PTPRM: variants seen among roughly 807,000 people sequenced by gnomAD.
PTPRM encodes the protein protein tyrosine phosphatase receptor type M, also known as receptor-type tyrosine-protein phosphatase mu.
A neutral mutation model predicts 186.7 loss-of-function variants in PTPRM; 47 were observed. The ratio of observed to expected loss-of-function variants is 0.25; its 90% confidence interval spans 0.20 to 0.32. The LOEUF is 0.32. Among genes scored for constraint, PTPRM ranks in the 10% least tolerant of loss-of-function variants. The pLI is 1.00. For missense variants in PTPRM, 1,494 were observed against 1,865.0 expected (o/e 0.80, Z 3.66); for synonymous variants, 668 against 674.9 (o/e 0.99, Z 0.16).
intron 2 of PTPRM, among the ~76,000 whole-genome samples, chr18:7,853,782 CT>C (rs1264501814): frequency 6.6e-6 from 1 of 152,006 alleles, no homozygotes; most frequent in African/African-American, 2.4e-5. Flanking sequence ...TTTGGAACTG[CT>C]GTTGTCCACC....
chr18:7,826,057 C>A (rs752974229), intron 2 of PTPRM, among the ~76,000 whole-genome samples: 6 of 152,214 alleles, frequency 3.9e-5, no homozygotes, highest in Non-Finnish European at 5.9e-5. Context: ...GGATGGCATC[C>A]CCGTCAACCT....
intron 7 of PTPRM, among the ~76,000 whole-genome samples, chr18:7,973,244 TAC>T (rs1253061057): frequency 1.3e-5 from 2 of 152,114 alleles, no homozygotes; most frequent in Non-Finnish European, 2.9e-5. Context: ...AAGTTAAGTT[TAC>T]AGTTTTAAGG....
At chr18:7,625,566 G>A (rs576087129) in intron 1 of PTPRM, among the ~76,000 whole-genome samples, 65 of 151,884 alleles carry the variant, frequency 4.3e-4, no homozygotes, top group Non-Finnish European at 8.2e-4. Context: ...ACAGAGTCTC[G>A]CTCTGTCACC....
chr18:7,675,352 AC>A (rs148342420), intron 1 of PTPRM, among the ~76,000 whole-genome samples: 3,384 of 152,200 alleles, frequency 0.022, 124 homozygotes, highest in African/African-American at 0.077. Flanking sequence ...GGACATGGTG[AC>A]TTTTTAAGGG....
intron 7 of PTPRM, among the ~76,000 whole-genome samples, chr18:7,988,806 C>T (rs916233832): frequency 2.0e-5 from 3 of 152,102 alleles, no homozygotes; most frequent in African/African-American, 7.2e-5. Context: ...TTTATTCTTT[C>T]ACCTGTTGAT....
intron 5 of PTPRM, among the ~76,000 whole-genome samples, chr18:7,931,842 G>A (rs1457947133): frequency 6.6e-6 from 1 of 152,044 alleles, no homozygotes; most frequent in Middle Eastern, 3.2e-3. Flanking sequence ...ATATTTGCTT[G>A]TTTCTCTCAG....
chr18:7,789,143 A>G (rs895782234), intron 2 of PTPRM, among the ~76,000 whole-genome samples: 43 of 152,036 alleles, frequency 2.8e-4, no homozygotes, highest in African/African-American at 1.0e-3. Flanking sequence ...GCAACATAGC[A>G]AGACCTGTCT....
intron 14 of PTPRM, among the ~76,000 whole-genome samples, chr18:8,168,266 C>A (rs1017396792): frequency 6.6e-6 from 1 of 152,164 alleles, no homozygotes; most frequent in Non-Finnish European, 1.5e-5. Context: ...CACAGCTAAT[C>A]TTAGTTTTAT....
intron 19 of PTPRM, among the ~76,000 whole-genome samples, chr18:8,269,664 A>G (rs1269220025): frequency 2.6e-5 from 4 of 152,126 alleles, no homozygotes; most frequent in South Asian, 2.1e-4. Context: ...TCAAATTAGT[A>G]TGATCCTAGC....
chr18:7,575,934 A>G (rs562893726), intron 1 of PTPRM, among the ~76,000 whole-genome samples: 1 of 152,232 alleles, frequency 6.6e-6, no homozygotes, highest in African/African-American at 2.4e-5. Flanking sequence ...TTGGGTTAGA[A>G]GTCAGGGCAG....
chr18:8,345,707 C>T (rs1342040463), intron 23 of PTPRM, among the ~76,000 whole-genome samples: 1 of 151,122 alleles, frequency 6.6e-6, no homozygotes, highest in Non-Finnish European at 1.5e-5. Context: ...AAAAATTATT[C>T]TAAGAGAACA....
At chr18:8,040,320 C>T (rs1480143380) in intron 7 of PTPRM, among the ~76,000 whole-genome samples, 1 of 152,100 alleles carries the variant, frequency 6.6e-6, no homozygotes, top group Non-Finnish European at 1.5e-5. Context: ...TGGGTGATTA[C>T]CCAGGTCCAG....
At chr18:8,045,735 T>G (rs1369557049) in intron 7 of PTPRM, among the ~76,000 whole-genome samples, 3 of 152,208 alleles carry the variant, frequency 2.0e-5, no homozygotes, top group African/African-American at 7.2e-5. Flanking sequence ...GTTCCAAACA[T>G]AGATTGTGGT....
intron 15 of PTPRM, among the ~76,000 whole-genome samples, chr18:8,247,624 G>A (rs1333027114): frequency 6.6e-6 from 1 of 152,106 alleles, no homozygotes; most frequent in Non-Finnish European, 1.5e-5. Context: ...CTTTATTTGT[G>A]GGGTAAGAAA....
intron 7 of PTPRM, among the ~76,000 whole-genome samples, chr18:8,052,278 CTG>C (rs2087558897): frequency 6.6e-6 from 1 of 152,142 alleles, no homozygotes; most frequent in Admixed American, 6.5e-5. Flanking sequence ...ATCTAAGTCT[CTG>C]GGGATGAGGC....
At chr18:8,120,550 T>C (rs993288347) in intron 13 of PTPRM, among the ~76,000 whole-genome samples, 10 of 150,890 alleles carry the variant, frequency 6.6e-5, no homozygotes, top group African/African-American at 2.4e-4. Flanking sequence ...TGGAGTGTAG[T>C]GGCGCGATCT....
In PTPRM at chr18:7,567,641, G is replaced by C. The variant is rs1433017878; in HGVS notation, c.-178G>C. ...GGAGGACCCAGGACCCTGTGCCCGC[G>C]CCCCTGGAGCCGCTGGAGTTCGGAC... On this transcript the variant is annotated 5_prime_UTR_variant, in exon 1 of 33. Coordinates refer to ENST00000580170, the MANE Select transcript of PTPRM (RefSeq NM_001105244.2). This position sits in a 1 kb window ranked among gnomAD's most constrained non-coding sequence, Gnocchi z 4.3. The C allele has an allele frequency of 1.9e-6, 1 of 523,940 alleles. No homozygotes were observed. The highest frequency in any genetic ancestry group is 3.2e-6 in the Non-Finnish European group (1 of 308,106). 32.5% of individuals were successfully genotyped at this position (523,940 alleles called of 1,614,324 possible).
intron 1 of PTPRM, among the ~76,000 whole-genome samples, chr18:7,702,417 T>G (rs943277346): frequency 6.6e-6 from 1 of 152,244 alleles, no homozygotes; most frequent in African/African-American, 2.4e-5. Flanking sequence ...ATTGTGGTTT[T>G]GATTTGCATT....
chr18:8,012,682 A>T (rs1218070509), intron 7 of PTPRM, among the ~76,000 whole-genome samples: 2 of 152,232 alleles, frequency 1.3e-5, no homozygotes, highest in Non-Finnish European at 1.5e-5. Context: ...AACAGGCGCA[A>T]TAAAAACAAG....
Sources: allele counts gnomAD v4.1 joint callset (sites outside exome capture counted in the v4.1 genomes callset), GRCh38; gene constraint gnomAD v4.1.1; non-coding constraint Gnocchi (gnomAD v3.1); transcripts MANE v1.5; gene names NCBI Gene and HGNC (gene_info 2026-07-23, HGNC 2026-07-21).